Variants in SPTLC3 observed in about 807,000 individuals in gnomAD.
The protein encoded by SPTLC3 is serine palmitoyltransferase 3.
A neutral mutation model predicts 59.3 loss-of-function variants in SPTLC3; 36 were observed. The ratio of observed to expected loss-of-function variants is 0.61; its 90% CI spans 0.47 to 0.80. The LOEUF is 0.80. SPTLC3 is among the 30% of genes least tolerant of loss of function. SPTLC3 has a pLI of 0.00. For missense variants in SPTLC3, 625 were observed against 685.1 expected (o/e 0.91, Z 0.98); for synonymous variants, 257 against 240.8 (o/e 1.07, Z -0.62).
intron 1 of SPTLC3, among the ~76,000 whole-genome samples, chr20:13,048,688 C>T (rs1987335979): frequency 1.3e-5 from 2 of 152,184 alleles, no homozygotes; most frequent in African/African-American, 2.4e-5. Flanking sequence ...AACTTGCAAA[C>T]ACTCTGTTCC....
rs540676616 is a variant in SPTLC3, at chr20:13,050,739, C to T, written c.303+1609C>T. On this transcript the variant is annotated intron_variant, in intron 2 of 11. Transcript: ENST00000399002. Reference sequence around the variant, plus strand: ...AACAGCAGATTTCTCAGCAGAAACCCTACAAGCTAAGACAGAATTGGGGCC... The same window carrying T: ...AACAGCAGATTTCTCAGCAGAAACCTTACAAGCTAAGACAGAATTGGGGCC... 4 of 152,302 alleles carry T rather than the reference C, an allele frequency of 2.6e-5. No individual in the cohort carries two copies. The East Asian group carries it at 5.8e-4, about 22-fold the overall frequency. 9.4% of individuals were successfully genotyped at this position (152,302 alleles called of 1,614,324 possible). A position where few individuals can be genotyped will look rare whatever the true frequency, so the allele number is the denominator to read the frequency against.
At chr20:13,031,106 G>T (rs1436488401) in intron 1 of SPTLC3, among the ~76,000 whole-genome samples, 2 of 152,046 alleles carry the variant, frequency 1.3e-5, no homozygotes, top group African/African-American at 4.8e-5. Flanking sequence ...ATGAACAAAT[G>T]GATACAGCTG....
chr20:13,128,803 G>A lies in SPTLC3; in HGVS notation c.1279+2086G>A, dbSNP rs1417634091. ...CCTCCCAGACTCAAGTGATTCTCCTGCCTTAGCCTCCTGAGTAGTCAGGAC... is the reference window on the plus strand; with the variant it reads ...CCTCCCAGACTCAAGTGATTCTCCTACCTTAGCCTCCTGAGTAGTCAGGAC... On this transcript the variant is annotated intron_variant, in intron 9 of 11. Transcript: ENST00000399002. Among the ~76,000 whole-genome samples, 4 of 151,362 alleles carry A rather than the reference G, an allele frequency of 2.6e-5. No homozygotes were observed. The East Asian group carries it at 5.8e-4, about 22-fold the overall frequency.
intron 8 of SPTLC3, among the ~76,000 whole-genome samples, chr20:13,123,723 G>A (rs1189202669): frequency 1.3e-5 from 2 of 152,042 alleles, no homozygotes; most frequent in Admixed American, 1.3e-4. Context: ...TTTAGGACAG[G>A]CCCATGCCTT....
chr20:13,123,328 C>A (rs2037911665), intron 8 of SPTLC3, among the ~76,000 whole-genome samples: 2 of 126,160 alleles, frequency 1.6e-5, no homozygotes, highest in Admixed American at 7.2e-5. Flanking sequence ...AAGACTCTGT[C>A]TAAAAAAAAA....
chr20:13,150,455 T>C (rs1370639107), intron 9 of SPTLC3, among the ~76,000 whole-genome samples: 3 of 152,330 alleles, frequency 2.0e-5, no homozygotes, highest in East Asian at 3.9e-4. Flanking sequence ...GAAAGGAATA[T>C]GAACTAAGAA....
intron 1 of SPTLC3, among the ~76,000 whole-genome samples, chr20:13,035,219 G>C (rs1251113889): frequency 6.6e-6 from 1 of 152,082 alleles, no homozygotes; most frequent in Non-Finnish European, 1.5e-5. Context: ...AATGAGACTT[G>C]GTTTAGTGTT....
At position 13,164,891 on chromosome 20, in the gene SPTLC3, T is replaced by A. The variant is rs2038964854; in HGVS notation, c.*24T>A. ...AAGTTTCCTGGTCCTGAATGACACA[T>A]AAAGACTTTGCGAGAAAGACCTCCC... On this transcript the variant is annotated 3_prime_UTR_variant, in exon 12 of 12. Transcript: ENST00000399002. 6.3e-7 allele frequency: 1 copy of A among 1,590,476 alleles called. No homozygotes were observed. Among genetic ancestry groups the A allele is most frequent in the Non-Finnish European group, 8.6e-7 (1 of 1,164,058 alleles).
intron 2 of SPTLC3, among the ~76,000 whole-genome samples, chr20:13,060,319 G>A (rs1173463395): frequency 6.6e-6 from 1 of 152,120 alleles, no homozygotes; most frequent in African/African-American, 2.4e-5. Flanking sequence ...GTTTACAGAA[G>A]CATAACCACT....
rs780972844 is a variant in SPTLC3, at chr20:13,091,152, T to G, written c.677T>G (p.Val226Gly). 6.2e-7 allele frequency: 1 copy of G among 1,613,990 alleles called. No individual in the cohort carries two copies. The highest frequency in any genetic ancestry group is 1.7e-5 in the Admixed American group (1 of 60,016). Residue 226 changes from valine (V) to glycine (G), a missense_variant, in exon 5 of 12, where the codon GTC becomes GGC. By Grantham distance (109) the Val-to-Gly change is moderately radical. Transcript: ENST00000399002. ...TTCCTGAATGTGGAAGCAGCTATGG[T>G]CTTTGGGATGGGATTCGCAACTAAC... Reference protein sequence around the residue: ...AKFLNVEAAMVFGMGFATNSM... With the variant: ...AKFLNVEAAMGFGMGFATNSM...
At position 13,110,227 on chromosome 20, in the gene SPTLC3, T is replaced by C. The variant is rs1990151413; in HGVS notation, c.932+10T>C. On this transcript the variant is annotated intron_variant, in intron 7 of 11. Transcript: ENST00000399002. ...TGGAGGGTGTCTACAGGTATGTAAA[T>C]AACAGGACACATTTTACGACTCGGA... 1 of 1,609,444 alleles carries C rather than the reference T, an allele frequency of 6.2e-7. No individual in the cohort carries two copies. The highest frequency in any genetic ancestry group is 8.5e-7 in the Non-Finnish European group (1 of 1,177,798).
intron 9 of SPTLC3, among the ~76,000 whole-genome samples, chr20:13,133,689 A>T (rs1042589443): frequency 6.6e-6 from 1 of 152,098 alleles, no homozygotes; most frequent in African/African-American, 2.4e-5. Context: ...AGCTGAGTTA[A>T]GGGGTAGCAC....
In SPTLC3 at chr20:13,009,123, T is replaced by A. The variant is rs748576882; in HGVS notation, c.-145T>A. On this transcript the variant is annotated 5_prime_UTR_variant, in exon 1 of 12. Transcript: ENST00000399002. ...ATCTGACAAAAAGATAGGCTGTTGC[T>A]CTTCTTCTGGAAAAGCCTGATTGGT... 1.6e-5 allele frequency: 11 copies of A among 668,732 alleles called. No individual in the cohort carries two copies. The highest frequency in any genetic ancestry group is 3.6e-5 in the African/African-American group (2 of 55,380). 41.4% of individuals were successfully genotyped at this position (668,732 alleles called of 1,614,324 possible). A position where few individuals can be genotyped will look rare whatever the true frequency, so the allele number is the denominator to read the frequency against.
intron 4 of SPTLC3, among the ~76,000 whole-genome samples, chr20:13,078,015 C>A (rs1422164817): frequency 6.6e-6 from 1 of 150,922 alleles, no homozygotes; most frequent in African/African-American, 2.4e-5. Context: ...AATGATTGAG[C>A]TAGCATAACC....
intron 1 of SPTLC3, among the ~76,000 whole-genome samples, chr20:13,029,305 C>G (rs1346047659): frequency 6.6e-6 from 1 of 152,194 alleles, no homozygotes; most frequent in Admixed American, 6.5e-5. Context: ...TTGAATTAAA[C>G]AAGTCACAGA....
intron 2 of SPTLC3, among the ~76,000 whole-genome samples, chr20:13,067,733 A>G (rs1988278310): frequency 6.6e-6 from 1 of 152,208 alleles, no homozygotes; most frequent in African/African-American, 2.4e-5. Flanking sequence ...CTGTAAATAC[A>G]GTTACCCTTA....
At chr20:13,047,972 T>C (rs1987304621) in intron 1 of SPTLC3, among the ~76,000 whole-genome samples, 1 of 152,190 alleles carries the variant, frequency 6.6e-6, no homozygotes, top group African/African-American at 2.4e-5. Context: ...TAAAACATTA[T>C]GTGATGTAAC....
chr20:13,090,550 A>G (rs918963518), intron 4 of SPTLC3, among the ~76,000 whole-genome samples: 3 of 152,188 alleles, frequency 2.0e-5, no homozygotes, highest in Non-Finnish European at 4.4e-5. Context: ...ATTATATTTC[A>G]TTTACAGCAT....
intron 1 of SPTLC3, among the ~76,000 whole-genome samples, chr20:13,045,181 C>A (rs776970362): frequency 2.6e-5 from 4 of 152,124 alleles, no homozygotes; most frequent in Non-Finnish European, 5.9e-5. Flanking sequence ...CATATTCCAG[C>A]ACCCAGTTTA....
Sources: allele counts gnomAD v4.1 joint callset (sites outside exome capture counted in the v4.1 genomes callset), GRCh38; gene constraint gnomAD v4.1.1; transcripts MANE v1.5; gene names NCBI Gene and HGNC (gene_info 2026-07-23, HGNC 2026-07-21).